EFCAB5: variants seen among roughly 807,000 people sequenced by gnomAD.
The protein encoded by EFCAB5 is EF-hand calcium-binding domain-containing protein 5.
Under a neutral mutation model 167.9 loss-of-function variants are expected in EFCAB5, and 131 were observed. The ratio of observed to expected loss-of-function variants is 0.78; its 90% confidence interval spans 0.68 to 0.90. The LOEUF is 0.90. Ranked by LOEUF, EFCAB5 falls within the 40% of genes least tolerant of loss-of-function variation. The probability of loss-of-function intolerance (pLI) is 0.00; values close to 1 mark genes in which losing one functional copy is unlikely to be tolerated. For synonymous variants in EFCAB5, 574 were observed against 602.8 expected, an observed-to-expected ratio of 0.95 and a Z score of 0.70; for missense variants, 1,663 against 1,745.2, an observed-to-expected ratio of 0.95 and a Z score of 0.84.
intron 3 of EFCAB5, among the ~76,000 whole-genome samples, chr17:29,959,320 G>A (rs1296754101): frequency 6.6e-6 from 1 of 152,060 alleles, no homozygotes; most frequent in Non-Finnish European, 1.5e-5. Context: ...AATCTACTTG[G>A]TGTTTCATTT....
At chr17:30,064,799 G>A (rs1464229879) in intron 14 of EFCAB5, among the ~76,000 whole-genome samples, 1 of 152,146 alleles carries the variant, frequency 6.6e-6, no homozygotes, top group African/African-American at 2.4e-5. Flanking sequence ...GAAAGCCAGA[G>A]AAAAGTCACA....
chr17:30,035,868 A>C (rs2151742346), intron 8 of EFCAB5, among the ~76,000 whole-genome samples: 1 of 151,934 alleles, frequency 6.6e-6, no homozygotes, highest in Admixed American at 6.6e-5. Context: ...AACTTAGTCA[A>C]TATGCCAGAA....
chr17:30,100,421 C>T (rs1259190991), intron 22 of EFCAB5, among the ~76,000 whole-genome samples: 1 of 152,082 alleles, frequency 6.6e-6, no homozygotes, highest in Non-Finnish European at 1.5e-5. Context: ...AGGTGGGAAG[C>T]AGGGAGGAGG....
At chr17:29,991,054 TCA>T (rs2068405000) in intron 4 of EFCAB5, among the ~76,000 whole-genome samples, 1 of 152,198 alleles carries the variant, frequency 6.6e-6, no homozygotes, top group African/African-American at 2.4e-5. Flanking sequence ...CTCCTCATTA[TCA>T]GTGTGAAAAG....
chr17:29,966,253 A>T (rs2067824493), intron 3 of EFCAB5, among the ~76,000 whole-genome samples: 1 of 152,082 alleles, frequency 6.6e-6, no homozygotes, highest in Non-Finnish European at 1.5e-5. Context: ...GTTCTGAGAG[A>T]TTTCTTACAT....
intron 8 of EFCAB5, among the ~76,000 whole-genome samples, chr17:30,037,412 T>C (rs1290207600): frequency 6.6e-6 from 1 of 152,134 alleles, no homozygotes; most frequent in Non-Finnish European, 1.5e-5. Flanking sequence ...ATGAAGTACA[T>C]ACACCACAGT....
chr17:29,979,408 A>G (rs958153709), intron 4 of EFCAB5, among the ~76,000 whole-genome samples: 3 of 152,132 alleles, frequency 2.0e-5, no homozygotes, highest in African/African-American at 7.2e-5. Context: ...TATCTGAGCT[A>G]CCCAGCATAT....
At chr17:30,088,743 G>C (rs2071137409) in intron 19 of EFCAB5, among the ~76,000 whole-genome samples, 1 of 152,194 alleles carries the variant, frequency 6.6e-6, no homozygotes, top group African/African-American at 2.4e-5. Context: ...CGTTGAGTAG[G>C]CGGTAACTCA....
intron 7 of EFCAB5, among the ~76,000 whole-genome samples, chr17:30,017,371 A>C (rs2069070867): frequency 6.6e-6 from 1 of 152,212 alleles, no homozygotes; most frequent in African/African-American, 2.4e-5. Flanking sequence ...ATAAAAGTGC[A>C]AAGATGAGAA....
intron 4 of EFCAB5, among the ~76,000 whole-genome samples, chr17:29,979,554 G>C (rs946191439): frequency 2.0e-5 from 3 of 152,162 alleles, no homozygotes; most frequent in Admixed American, 1.3e-4. Context: ...GGAATCCAGA[G>C]TGCCAGCTTT....
chr17:29,990,310 T>C (rs1212031818), intron 4 of EFCAB5, among the ~76,000 whole-genome samples: 1 of 152,172 alleles, frequency 6.6e-6, no homozygotes, highest in Non-Finnish European at 1.5e-5. Context: ...AGGATGTTTA[T>C]CAGTAATTTG....
In EFCAB5 at chr17:30,051,101, CTT is replaced by C. The variant is rs760698621; in HGVS notation, c.1201-15_1201-14del. On this transcript the variant is annotated splice_polypyrimidine_tract_variant and intron_variant, in intron 8 of 22. Coordinates refer to ENST00000394835, the MANE Select transcript of EFCAB5 (RefSeq NM_198529.4). Reference sequence around the variant, plus strand: ...ATCTCCTGTAACAACTAATCACAAACTTTCTTCTTTGCTTAGGTAGGGTTTTT... The same window carrying C: ...ATCTCCTGTAACAACTAATCACAAACTCTTCTTTGCTTAGGTAGGGTTTTT... 1 of 1,611,952 alleles carries C rather than the reference CTT, an allele frequency of 6.2e-7. No homozygotes were observed. Among genetic ancestry groups the C allele is most frequent in the Non-Finnish European group, 8.5e-7 (1 of 1,178,440 alleles).
intron 8 of EFCAB5, 52 bp downstream of exon 8, chr17:30,034,437 G>C (rs1479963187): frequency 1.3e-6 from 2 of 1,539,370 alleles, no homozygotes; most frequent in Middle Eastern, 1.7e-4. Flanking sequence ...TGTGGCTCAC[G>C]CCTGTAATCC....
intron 7 of EFCAB5, among the ~76,000 whole-genome samples, chr17:30,015,971 G>T (rs1016434691): frequency 6.6e-6 from 1 of 151,742 alleles, no homozygotes; most frequent in Non-Finnish European, 1.5e-5. Flanking sequence ...TAGAGACAGG[G>T]TTTTTCCATG....
At chr17:30,033,039 G>A (rs1456167311) in intron 7 of EFCAB5, among the ~76,000 whole-genome samples, 1 of 151,988 alleles carries the variant, frequency 6.6e-6, no homozygotes, top group Non-Finnish European at 1.5e-5. Context: ...ACCTCTGTGC[G>A]TGAGGCAGGG....
chr17:30,077,104 C>A (rs766480678), intron 14 of EFCAB5, among the ~76,000 whole-genome samples: 2 of 152,138 alleles, frequency 1.3e-5, no homozygotes, highest in African/African-American at 2.4e-5. Flanking sequence ...GAGTTAGAGA[C>A]CAGCCTGGCC....
At chr17:30,045,103 T>C (rs922459063) in intron 8 of EFCAB5, among the ~76,000 whole-genome samples, 14 of 152,074 alleles carry the variant, frequency 9.2e-5, no homozygotes, top group African/African-American at 3.4e-4. Flanking sequence ...AAAAGTAATT[T>C]ACAACAATAG....
intron 7 of EFCAB5, among the ~76,000 whole-genome samples, chr17:30,006,325 AT>A (rs1162789277): frequency 6.6e-6 from 1 of 152,028 alleles, no homozygotes; most frequent in East Asian, 1.9e-4. Context: ...AAATTTGTAG[AT>A]TTTTTTTGGA....
chr17:30,104,080 G>C (rs953778633), intron 22 of EFCAB5, among the ~76,000 whole-genome samples: 10 of 152,174 alleles, frequency 6.6e-5, no homozygotes, highest in African/African-American at 2.4e-4. Flanking sequence ...AGTTTATTGT[G>C]TGTGGCTGTC....
Sources: allele counts gnomAD v4.1 joint callset (sites outside exome capture counted in the v4.1 genomes callset), GRCh38; gene constraint gnomAD v4.1.1; transcripts MANE v1.5; gene names NCBI Gene and HGNC (gene_info 2026-07-23, HGNC 2026-07-21).